Variants in CBR3 observed in about 807,000 individuals in gnomAD.
The protein encoded by CBR3 is carbonyl reductase 3.
A neutral mutation model predicts 11.6 loss-of-function variants in CBR3; 14 were observed. That is an observed-to-expected ratio of 1.20 (90% CI 0.79 to 1.88). The LOEUF is 1.88. CBR3 is among the 40% of genes most tolerant of loss of function. The pLI is 0.00. For synonymous variants in CBR3, 125 were observed against 145.6 expected (o/e 0.86, Z 1.02); for missense variants, 308 against 357.3 (o/e 0.86, Z 1.11).
intron 2 of CBR3, among the ~76,000 whole-genome samples, chr21:36,143,150 C>T (rs1194619763): frequency 1.3e-5 from 2 of 151,824 alleles, no homozygotes; most frequent in Non-Finnish European, 2.9e-5. Context: ...CCTAAAAATA[C>T]AAAAATTAGC....
chr21:36,145,865 G>A (rs1317975942), intron 2 of CBR3, among the ~76,000 whole-genome samples: 1 of 151,310 alleles, frequency 6.6e-6, no homozygotes, highest in Non-Finnish European at 1.5e-5. Context: ...GGAGGCTGAG[G>A]CAGGAGAATT....
chr21:36,139,961 C>T (rs546649574), intron 2 of CBR3, among the ~76,000 whole-genome samples: 1 of 145,758 alleles, frequency 6.9e-6, no homozygotes, highest in Non-Finnish European at 1.5e-5. Flanking sequence ...GAGCTCAGCT[C>T]GCTGCAACCT....
chr21:36,139,427 G>A (rs1283104569), intron 2 of CBR3, among the ~76,000 whole-genome samples: 1 of 147,770 alleles, frequency 6.8e-6, no homozygotes, highest in African/African-American at 2.5e-5. Flanking sequence ...TGTTGCCCAG[G>A]CTGGAGTGCA....
At chr21:36,136,831 C>T (rs1284291270) in intron 1 of CBR3, among the ~76,000 whole-genome samples, 1 of 151,676 alleles carries the variant, frequency 6.6e-6, no homozygotes, top group African/African-American at 2.4e-5. Flanking sequence ...AGTTCAAGAC[C>T]AGCCCGGGAA....
At chr21:36,139,881 C>CTTT (rs10689993) in intron 2 of CBR3, among the ~76,000 whole-genome samples, 29,359 of 89,808 alleles carry the variant, frequency 0.33, 6,329 homozygotes, top group South Asian at 0.49. Flanking sequence ...GATGCAAAAC[C>CTTT]TTTTTTTTTT....
At position 36,146,352 on chromosome 21, in the gene CBR3, C is replaced by CGT; in HGVS notation, c.676_677dup (p.Cys227AlafsTer6). On this transcript the variant is annotated frameshift_variant, in exon 3 of 3. Transcript: ENST00000290354. LOFTEE classifies it low-confidence loss of function (END_TRUNC). ...AAAGCTGACAGGATTCTGGTGAATG[C>CGT]GTGCTGCCCAGGACCAGTGAAGACA... 1 of 1,614,066 alleles carries CGT rather than the reference C, an allele frequency of 6.2e-7. No homozygotes were observed. The highest frequency in any genetic ancestry group is 8.5e-7 in the Non-Finnish European group (1 of 1,180,004).
intron 2 of CBR3, among the ~76,000 whole-genome samples, chr21:36,142,450 G>GAAAAAAAAAAAAAAAA (rs2065720642): frequency 2.8e-5 from 1 of 35,804 alleles, no homozygotes; most frequent in South Asian, 8.5e-4. Flanking sequence ...AAAAAAAAAC[G>GAAAAAAAAAAAAAAAA]CAATCCATGA....
chr21:36,144,407 G>A (rs1012047091), intron 2 of CBR3, among the ~76,000 whole-genome samples: 3 of 152,054 alleles, frequency 2.0e-5, no homozygotes, highest in African/African-American at 4.8e-5. Context: ...GCAGTGAGCC[G>A]AGATTGTGCC....
chr21:36,135,104 G>T lies in CBR3; in HGVS notation c.-89G>T. 1 of 1,280,428 alleles carries T rather than the reference G, an allele frequency of 7.8e-7. No individual in the cohort carries two copies. Among genetic ancestry groups the T allele is most frequent in the South Asian group, 1.7e-5 (1 of 59,264 alleles). 79.3% of individuals were successfully genotyped at this position (1,280,428 alleles called of 1,614,324 possible). On this transcript the variant is annotated 5_prime_UTR_variant, in exon 1 of 3. Transcript: ENST00000290354. ...AGAACTTAGTCTGCGCGGCGGCATT[G>T]ACACTAGCTGGGCTCCTCGGGGCGC...
chr21:36,141,208 G>A (rs945824649), intron 2 of CBR3, among the ~76,000 whole-genome samples: 2 of 147,626 alleles, frequency 1.4e-5, no homozygotes, highest in Non-Finnish European at 3.0e-5. Flanking sequence ...GCTGCAGTGA[G>A]CTATGATTGT....
chr21:36,141,657 T>G (rs937049790), intron 2 of CBR3: 1 of 152,224 alleles, frequency 6.6e-6, no homozygotes. Context: ...TTGCCTACTC[T>G]TTCTAGAGTA....
chr21:36,135,545 C>T, intron 1 of CBR3, 64 bp downstream of exon 1: 2 of 1,454,622 alleles, frequency 1.4e-6, no homozygotes, highest in South Asian at 1.3e-5. Context: ...TGGCCAGCCG[C>T]AGGCTCCCCA....
chr21:36,135,598 G>A, intron 1 of CBR3, 117 bp downstream of exon 1: 2 of 987,818 alleles, frequency 2.0e-6, no homozygotes, highest in South Asian at 1.8e-5. Context: ...CCGACCCCTA[G>A]GGATGCGCTC....
At chr21:36,140,432 G>A (rs372236680) in intron 2 of CBR3, among the ~76,000 whole-genome samples, 2 of 151,944 alleles carry the variant, frequency 1.3e-5, no homozygotes, top group East Asian at 3.9e-4. Context: ...TTATGTCTGG[G>A]GCTCTCTCCA....
intron 2 of CBR3, among the ~76,000 whole-genome samples, chr21:36,142,432 A>AAAAAAAAAAAAAC (rs1491545464): frequency 8.9e-6 from 1 of 112,016 alleles, no homozygotes; most frequent in Non-Finnish European, 2.0e-5. Context: ...ACTCCATCTC[A>AAAAAAAAAAAAAC]AAAAAAAAAA....
intron 2 of CBR3, among the ~76,000 whole-genome samples, chr21:36,140,204 C>T (rs1223671807): frequency 6.6e-6 from 1 of 151,992 alleles, no homozygotes; most frequent in Non-Finnish European, 1.5e-5. Context: ...AAGTTCTTAA[C>T]CTAAGAAGGT....
In CBR3 at chr21:36,137,694, C is replaced by T. The variant is rs45562332; in HGVS notation, c.290-131C>T. The T allele has an allele frequency of 8.0e-6, 5 of 622,730 alleles. No homozygotes were observed. In the African/African-American group the frequency reaches 9.2e-5, roughly 11 times the overall value. The allele number at this position is 622,730 out of a possible 1,614,324, so 38.6% of individuals were successfully genotyped here. ...CAGACTAAAGTTTGAGAATCACCGA[C>T]CTCGTTCTTAAAAATTGTTTTAAAA... On this transcript the variant is annotated intron_variant, in intron 1 of 2. Transcript: ENST00000290354.
chr21:36,138,205 TG>T (rs2065677930), intron 2 of CBR3: 3 of 313,218 alleles, frequency 9.6e-6, no homozygotes, highest in Non-Finnish European at 1.8e-5. Context: ...TGTAGTGCAA[TG>T]GTGTGATCTT....
At chr21:36,140,874 G>C (rs995210437) in intron 2 of CBR3, among the ~76,000 whole-genome samples, 1 of 152,014 alleles carries the variant, frequency 6.6e-6, no homozygotes, top group East Asian at 1.9e-4. Flanking sequence ...CAGGCATGGT[G>C]GTGGGCACCT....
Sources: allele counts gnomAD v4.1 joint callset (sites outside exome capture counted in the v4.1 genomes callset), GRCh38; gene constraint gnomAD v4.1.1; transcripts MANE v1.5; gene names NCBI Gene and HGNC (gene_info 2026-07-23, HGNC 2026-07-21).